PLCD4: variants seen among roughly 807,000 people sequenced by gnomAD.
PLCD4 encodes 1-phosphatidylinositol 4,5-bisphosphate phosphodiesterase delta-4.
PLCD4 carries 63 observed loss-of-function variants against 90.2 expected under a neutral mutation model. That is an observed-to-expected ratio of 0.70 (90% CI 0.57 to 0.86). The LOEUF (loss-of-function observed/expected upper bound fraction) is 0.86. Among genes scored for constraint, PLCD4 ranks in the 40% least tolerant of loss-of-function variants. PLCD4 has a pLI of 0.00. For missense variants in PLCD4, 830 were observed against 956.3 expected (o/e 0.87, Z 1.74); for synonymous variants, 294 against 356.5 (o/e 0.82, Z 1.97).
In PLCD4 at chr2:218,634,303, G is replaced by A; in HGVS notation, c.1723+82G>A. 1.3e-6 allele frequency: 2 copies of A among 1,571,900 alleles called. No homozygotes were observed. Among genetic ancestry groups the A allele is most frequent in the Non-Finnish European group, 1.7e-6 (2 of 1,158,682 alleles). ...AGTTCTCTAGTGATGGTAGGGTTGG[G>A]GAATGCTCAAGAAAATTGCTAGGCT... is the stretch of plus-strand genomic sequence containing the variant. On this transcript the variant is annotated intron_variant, in intron 12 of 15. Coordinates refer to ENST00000450993, the MANE Select transcript of PLCD4 (RefSeq NM_032726.4). This position sits in a 1 kb window ranked among gnomAD's most constrained non-coding sequence, Gnocchi z 4.0.
rs1457878149 is a variant in PLCD4, at chr2:218,615,774, G to A, written c.22+13G>A. ...CTGCTGCAAGACCGTGAGTGCCGGG[G>A]CCCCTGCAGGGGAAGAGGCCTTAGT... On this transcript the variant is annotated intron_variant, in intron 2 of 15. Coordinates refer to ENST00000450993, the MANE Select transcript of PLCD4 (RefSeq NM_032726.4). The A allele has an allele frequency of 6.2e-7, 1 of 1,605,134 alleles. No homozygotes were observed. The highest frequency in any genetic ancestry group is 8.5e-7 in the Non-Finnish European group (1 of 1,175,734).
intron 11 of PLCD4, 147 bp downstream of exon 11, chr2:218,633,908 A>G: frequency 8.2e-7 from 1 of 1,216,976 alleles, no homozygotes; most frequent in Non-Finnish European, 1.2e-6. Flanking sequence ...ACAAGGGCAG[A>G]GGAGTTATGA....
intron 1 of PLCD4, among the ~76,000 whole-genome samples, chr2:218,614,009 C>G (rs974747324): frequency 6.7e-6 from 1 of 149,242 alleles, no homozygotes; most frequent in African/African-American, 2.5e-5. Flanking sequence ...ATCTTTTCTT[C>G]TTCTTCTTCT....
chr2:218,623,988 G>A (rs189412418), intron 6 of PLCD4, among the ~76,000 whole-genome samples: 15 of 152,232 alleles, frequency 9.9e-5, no homozygotes, highest in East Asian at 1.9e-4. Flanking sequence ...TGGCATCTAC[G>A]TACCTTTTCT....
intron 4 of PLCD4, 120 bp downstream of exon 4, chr2:218,618,927 G>A: frequency 2.2e-6 from 2 of 900,464 alleles, no homozygotes; most frequent in South Asian, 3.2e-5. Context: ...CAAGGGTCCA[G>A]ATGGTATGGG....
intron 10 of PLCD4, chr2:218,633,218 C>A (rs1205054384): frequency 3.4e-6 from 2 of 594,286 alleles, no homozygotes; most frequent in Non-Finnish European, 6.0e-6. Flanking sequence ...GGTTATTGTT[C>A]CTTTGTTTTA....
intron 1 of PLCD4, among the ~76,000 whole-genome samples, chr2:218,610,143 T>A (rs1283564283): frequency 6.6e-6 from 1 of 151,636 alleles, no homozygotes; most frequent in African/African-American, 2.4e-5. Context: ...TAAAAAAAAT[T>A]TTTTTTATAG....
At chr2:218,619,640 G>A (rs1235952699) in intron 4 of PLCD4, among the ~76,000 whole-genome samples, 5 of 152,036 alleles carry the variant, frequency 3.3e-5, no homozygotes, top group African/African-American at 1.2e-4. Context: ...AGTTAGTGAA[G>A]AGGATGGAAC....
intron 7 of PLCD4, 104 bp from the exon 8 acceptor site, chr2:218,629,415 G>C: frequency 2.2e-6 from 3 of 1,338,764 alleles, no homozygotes; most frequent in Non-Finnish European, 3.1e-6. Context: ...GTCTGGATGG[G>C]TAAGTGCTGG....
At chr2:218,630,917 C>T (rs1696333925) in intron 9 of PLCD4, 115 bp downstream of exon 9, 19 of 1,177,640 alleles carry the variant, frequency 1.6e-5, no homozygotes. Flanking sequence ...GATGGACCAT[C>T]TTGCTCTTTA....
In PLCD4 at chr2:218,615,745, G is replaced by T. The variant is rs7582929; in HGVS notation, c.6G>T (p.Ala2=). The change falls in exon 2 of 16, where the codon GCG becomes GCT. Residue 2 remains alanine (A), a synonymous_variant. Coordinates refer to ENST00000450993, the MANE Select transcript of PLCD4 (RefSeq NM_032726.4). Reference sequence around the variant, plus strand: ...AGCTGGTGGAACAGTGGGTGATGGCGTCCCTGCTGCAAGACCGTGAGTGCC... The same window carrying T: ...AGCTGGTGGAACAGTGGGTGATGGCTTCCCTGCTGCAAGACCGTGAGTGCC... M[A]SLLQDQLTTD... 1 of 1,606,580 alleles carries T rather than the reference G, an allele frequency of 6.2e-7. No individual in the cohort carries two copies. The highest frequency in any genetic ancestry group is 1.3e-5 in the African/African-American group (1 of 74,824).
chr2:218,617,304 T>C (rs1481392520), intron 3 of PLCD4, among the ~76,000 whole-genome samples: 9 of 147,768 alleles, frequency 6.1e-5, no homozygotes, highest in Middle Eastern at 3.4e-3. Flanking sequence ...CGGCTGGGTG[T>C]GGTGGATCAT....
intron 1 of PLCD4, chr2:218,609,804 C>T (rs1467610255): frequency 6.6e-6 from 1 of 152,252 alleles, no homozygotes; most frequent in Non-Finnish European, 1.5e-5. Flanking sequence ...AGTGTCCTCC[C>T]TTCTGGACCA....
chr2:218,609,844 C>G (rs1365190207), intron 1 of PLCD4: 2 of 152,268 alleles, frequency 1.3e-5, no homozygotes, highest in Non-Finnish European at 2.9e-5. Context: ...GGAGATGAGA[C>G]TCAGAGCCAT....
chr2:218,621,358 G>A (rs762833900), intron 4 of PLCD4, 112 bp from the exon 5 acceptor site: 176 of 1,273,398 alleles, frequency 1.4e-4, no homozygotes, highest in Non-Finnish European at 1.7e-4. Context: ...GATTGGCACC[G>A]GGGAGAGAGA....
chr2:218,632,176 C>G lies in PLCD4; in HGVS notation c.1313C>G (p.Thr438Arg). ...ATCCTGGTGAAGGGGAAGAAGTTAA[C>G]ACTTGAGGAAGACCTGGAATATGAG... The part of the protein sequence containing the change: ...RKILVKGKKL[T>R]LEEDLEYEEE... Residue 438 changes from threonine (T) to arginine (R), a missense_variant, in exon 10 of 16, where the codon ACA becomes AGA. By Grantham distance (71) the Thr-to-Arg change is moderately conservative (BLOSUM62 -1). Transcript: ENST00000450993. 1.2e-6 allele frequency: 2 copies of G among 1,610,678 alleles called. No individual in the cohort carries two copies. The highest frequency in any genetic ancestry group is 1.7e-6 in the Non-Finnish European group (2 of 1,178,664).
At chr2:218,626,223 A>T (rs1696111105) in intron 6 of PLCD4, among the ~76,000 whole-genome samples, 1 of 150,618 alleles carries the variant, frequency 6.6e-6, no homozygotes, top group Non-Finnish European at 1.5e-5. Flanking sequence ...GTGCCACTGT[A>T]TCCAGCCTGG....
chr2:218,627,456 A>T (rs933909214), intron 6 of PLCD4, among the ~76,000 whole-genome samples: 9 of 135,382 alleles, frequency 6.6e-5, no homozygotes, highest in African/African-American at 2.2e-4. Context: ...AAAAAAAGTT[A>T]AAAAAAAAAA....
intron 3 of PLCD4, among the ~76,000 whole-genome samples, chr2:218,617,138 G>T (rs895160809): frequency 3.4e-5 from 5 of 144,934 alleles, no homozygotes; most frequent in South Asian, 2.2e-4. Flanking sequence ...CTAATTTTTC[G>T]CATTTTTAGT....
Sources: gnomAD v4.1 joint callset for allele counts (sites outside exome capture counted in the v4.1 genomes callset) on GRCh38, gnomAD v4.1.1 for gene constraint, Gnocchi (gnomAD v3.1) non-coding constraint, MANE v1.5 for transcripts, NCBI Gene and HGNC (gene_info 2026-07-23, HGNC 2026-07-21) for gene names.